The following TTC6 variants were observed in gnomAD, a reference collection of about 807,000 sequenced individuals.
TTC6 encodes the protein tetratricopeptide repeat protein 6.
Under a neutral mutation model 210.4 loss-of-function variants are expected in TTC6, and 172 were observed. The observed-to-expected ratio is 0.82, with a 90% confidence interval of 0.72 to 0.93. The LOEUF (loss-of-function observed/expected upper bound fraction) is 0.93, where lower values mean the gene tolerates loss of function less well. TTC6 is among the 40% of genes least tolerant of loss of function. TTC6 has a pLI of 0.00. For missense variants in TTC6, 2,414 were observed against 2,318.1 expected, an observed-to-expected ratio of 1.04 and a Z score of -0.85; for synonymous variants, 804 against 819.6, an observed-to-expected ratio of 0.98 and a Z score of 0.32.
At chr14:37,794,337 A>G (rs2139352914) in intron 17 of TTC6, among the ~76,000 whole-genome samples, 1 of 152,260 alleles carries the variant, frequency 6.6e-6, no homozygotes, top group African/African-American at 2.4e-5. Context: ...CCAAACATTT[A>G]TACCATCTCT....
intron 1 of TTC6, among the ~76,000 whole-genome samples, chr14:37,649,616 G>A (rs1191579715): frequency 1.3e-5 from 2 of 152,190 alleles, no homozygotes; most frequent in Non-Finnish European, 2.9e-5. Flanking sequence ...GCTCTTGTCT[G>A]TAACTTTATG....
chr14:37,664,742 A>C (rs776845149), intron 1 of TTC6, among the ~76,000 whole-genome samples: 3 of 150,708 alleles, frequency 2.0e-5, no homozygotes, highest in African/African-American at 7.3e-5. Context: ...AAATTTTTGC[A>C]ATCTATCCAT....
intron 7 of TTC6, among the ~76,000 whole-genome samples, chr14:37,728,366 G>C (rs2095877944): frequency 6.6e-6 from 1 of 151,784 alleles, no homozygotes; most frequent in Non-Finnish European, 1.5e-5. Context: ...GATCACTTGA[G>C]GCCAGGAGTT....
chr14:37,701,943 G>C (rs1438452974), intron 5 of TTC6, among the ~76,000 whole-genome samples: 2 of 152,124 alleles, frequency 1.3e-5, no homozygotes, highest in Non-Finnish European at 2.9e-5. Context: ...CTTGGGTCCA[G>C]GGATCACATA....
At chr14:37,610,329 C>A (rs893367433) in intron 2 of TTC6, among the ~76,000 whole-genome samples, 6 of 152,156 alleles carry the variant, frequency 3.9e-5, no homozygotes, top group African/African-American at 9.7e-5. Flanking sequence ...ATCTCTAGAG[C>A]GTTTATTTCT....
At chr14:37,786,202 C>G (rs2096067180) in intron 14 of TTC6, among the ~76,000 whole-genome samples, 1 of 152,202 alleles carries the variant, frequency 6.6e-6, no homozygotes, top group Non-Finnish European at 1.5e-5. Context: ...GCCTTTTGTT[C>G]AGCTATGCCC....
At chr14:37,665,176 C>A (rs985964349) in intron 1 of TTC6, among the ~76,000 whole-genome samples, 7 of 150,398 alleles carry the variant, frequency 4.7e-5, no homozygotes, top group African/African-American at 1.7e-4. Flanking sequence ...ATAAATCATT[C>A]TACCATAAAG....
At chr14:37,749,671 T>C in intron 11 of TTC6, 43 bp from the exon 14 acceptor site, 1 of 1,274,592 alleles carries the variant, frequency 7.8e-7, no homozygotes, top group Non-Finnish European at 1.0e-6. Flanking sequence ...ATATCCTCCT[T>C]TAACAAATCA....
At chr14:37,776,043 C>CTTTT (rs1163694975) in intron 14 of TTC6, among the ~76,000 whole-genome samples, 12 of 26,294 alleles carry the variant, frequency 4.6e-4, no homozygotes, top group Middle Eastern at 0.031. Context: ...GGTCTTGATT[C>CTTTT]TTTTTTTTTT....
intron 29 of TTC6, among the ~76,000 whole-genome samples, chr14:37,831,019 C>T (rs2096183616): frequency 1.3e-5 from 2 of 152,054 alleles, no homozygotes; most frequent in East Asian, 3.9e-4. Context: ...AATACTAGAA[C>T]TTATTTCTTC....
At chr14:37,718,714 G>T (rs1371906742) in intron 6 of TTC6, among the ~76,000 whole-genome samples, 1 of 152,174 alleles carries the variant, frequency 6.6e-6, no homozygotes, top group Admixed American at 6.5e-5. Context: ...GCTTGCTTGA[G>T]CCCAAGAGTT....
chr14:37,740,000 A>G (rs1032182634), intron 10 of TTC6, among the ~76,000 whole-genome samples: 1 of 151,794 alleles, frequency 6.6e-6, no homozygotes, highest in Admixed American at 6.6e-5. Flanking sequence ...CGTCTCTACT[A>G]AAAATACAAA....
chr14:37,658,498 G>T (rs1413273192), intron 1 of TTC6, among the ~76,000 whole-genome samples: 1 of 152,140 alleles, frequency 6.6e-6, no homozygotes, highest in Admixed American at 6.5e-5. Flanking sequence ...TTTTAGAAAA[G>T]CCCTGGGTAG....
chr14:37,787,297 T>C (rs2096070085), intron 14 of TTC6, among the ~76,000 whole-genome samples, 171 bp from the exon 17 acceptor site: 1 of 152,250 alleles, frequency 6.6e-6, no homozygotes, highest in South Asian at 2.1e-4. Context: ...TACTTCAATT[T>C]ATAAAAAGTT....
At chr14:37,622,277 G>A (rs1268697020) in exon 1 of TTC6, 2 of 1,535,096 alleles carry the variant, frequency 1.3e-6, no homozygotes, top group South Asian at 1.2e-5. Flanking sequence ...CCGCAGCCCG[G>A]ACGTCGAGAA....
At chr14:37,715,741 T>A (rs2095851584) in intron 6 of TTC6, among the ~76,000 whole-genome samples, 1 of 152,022 alleles carries the variant, frequency 6.6e-6, no homozygotes, top group Non-Finnish European at 1.5e-5. Context: ...GAATCCTACA[T>A]CCAGAAAAAT....
chr14:37,627,509 T>C (rs2095662386), intron 1 of TTC6, among the ~76,000 whole-genome samples: 1 of 151,252 alleles, frequency 6.6e-6, no homozygotes, highest in Non-Finnish European at 1.5e-5. Flanking sequence ...TGTGTCCATG[T>C]GTTCTCATTG....
intron 20 of TTC6, chr14:37,802,445 A>T (rs11156970): frequency 6.6e-6 from 1 of 151,804 alleles, no homozygotes; most frequent in Non-Finnish European, 1.5e-5. Flanking sequence ...AGTCTCAAGG[A>T]AATGAAGGCT....
intron 1 of TTC6, among the ~76,000 whole-genome samples, chr14:37,665,522 C>A (rs1168303563): frequency 6.7e-6 from 1 of 149,920 alleles, no homozygotes; most frequent in Admixed American, 6.6e-5. Flanking sequence ...AGGGAGAGCA[C>A]CAGGAAGAAC....
Sources: gnomAD v4.1 joint callset for allele counts (sites outside exome capture counted in the v4.1 genomes callset) on GRCh38, gnomAD v4.1.1 for gene constraint, MANE v1.5 for transcripts, NCBI Gene and HGNC (gene_info 2026-07-23, HGNC 2026-07-21) for gene names.